PEAK1: variants seen among roughly 807,000 people sequenced by gnomAD.
PEAK1 encodes the protein pseudopodium enriched atypical kinase 1.
In PEAK1, 54 loss-of-function variants were observed where a neutral mutation model predicts 124.7. The observed-to-expected ratio is 0.43, with a 90% CI of 0.35 to 0.54. PEAK1 has a LOEUF of 0.54. Ranked by LOEUF, PEAK1 falls within the 20% of genes least tolerant of loss-of-function variation. The probability of loss-of-function intolerance (pLI) is 0.01; values close to 1 mark genes in which losing one functional copy is unlikely to be tolerated. For missense variants in PEAK1, 2,046 were observed against 2,134.5 expected (o/e 0.96, Z 0.82); for synonymous variants, 719 against 760.0 (o/e 0.95, Z 0.89).
intron 2 of PEAK1, among the ~76,000 whole-genome samples, chr15:77,298,582 C>A (rs1229592557): frequency 6.6e-6 from 1 of 151,960 alleles, no homozygotes; most frequent in African/African-American, 2.4e-5. Context: ...CTTATCTAGC[C>A]TCAAATTGCT....
chr15:77,383,601 C>T (rs925359797), intron 1 of PEAK1, among the ~76,000 whole-genome samples: 2 of 152,228 alleles, frequency 1.3e-5, no homozygotes, highest in Middle Eastern at 3.4e-3. Flanking sequence ...TGAGCAAAAA[C>T]GCTACCCAAG....
chr15:77,382,536 A>G (rs2069571006), intron 1 of PEAK1, among the ~76,000 whole-genome samples: 1 of 151,996 alleles, frequency 6.6e-6, no homozygotes. Context: ...TCTAACCCAC[A>G]CCAAATCTGC....
intron 6 of PEAK1, among the ~76,000 whole-genome samples, chr15:77,193,787 G>C (rs544200218): frequency 6.6e-6 from 1 of 150,784 alleles, no homozygotes; most frequent in Non-Finnish European, 1.5e-5. Context: ...CTGGGTGACA[G>C]AGTGAGACTC....
At chr15:77,107,407 T>C (rs1024138471), downstream of PEAK1, 1 of 152,254 alleles carries the variant, frequency 6.6e-6, no homozygotes, top group Non-Finnish European at 1.5e-5. Context: ...GCCACTCTTC[T>C]GGGGTATGCC....
intron 2 of PEAK1, among the ~76,000 whole-genome samples, chr15:77,356,543 A>T (rs1329253975): frequency 6.6e-6 from 1 of 152,044 alleles, no homozygotes; most frequent in Non-Finnish European, 1.5e-5. Flanking sequence ...GCATACGCAT[A>T]AGAGATTGAC....
chr15:77,264,139 G>A (rs2061591293), intron 5 of PEAK1, among the ~76,000 whole-genome samples: 1 of 152,150 alleles, frequency 6.6e-6, no homozygotes, highest in Non-Finnish European at 1.5e-5. Context: ...CAAACCCACA[G>A]CCAACATCAT....
chr15:77,390,823 G>C (rs951206738), intron 1 of PEAK1, among the ~76,000 whole-genome samples: 5 of 152,148 alleles, frequency 3.3e-5, no homozygotes, highest in Admixed American at 6.5e-5. Context: ...CAACAAGGTG[G>C]TCTGGTTGCA....
intron 9 of PEAK1, among the ~76,000 whole-genome samples, chr15:77,121,828 G>A (rs2051945013): frequency 6.6e-6 from 1 of 152,108 alleles, no homozygotes; most frequent in Non-Finnish European, 1.5e-5. Flanking sequence ...GGATGCTATA[G>A]GGAATGAATT....
At chr15:77,413,337 A>C (rs1274867463) in intron 1 of PEAK1, among the ~76,000 whole-genome samples, 1 of 152,216 alleles carries the variant, frequency 6.6e-6, no homozygotes, top group Non-Finnish European at 1.5e-5. Flanking sequence ...TAGTGCACGG[A>C]CTATGGGAAA....
In PEAK1 at chr15:77,235,301, G is replaced by A. The variant is rs149835514; in HGVS notation, c.-115+17066C>T. Among the ~76,000 whole-genome samples the A allele has an allele frequency of 7.2e-3, 1,102 of 152,092 alleles. 15 individuals are homozygous for A. The highest frequency in any genetic ancestry group is 0.025 in the African/African-American group (1,046 of 41,506). On this transcript the variant is annotated intron_variant, in intron 6 of 9. Coordinates refer to ENST00000682557, the MANE Select transcript of PEAK1 (RefSeq NM_001385026.1). ...GGAACAGTTTGGAGGGCTCAGAAGA[G>A]GACAGGAAGATGTGGGAAAGTTTGG...
At chr15:77,229,213 T>C (rs1424554178) in intron 6 of PEAK1, among the ~76,000 whole-genome samples, 2 of 152,204 alleles carry the variant, frequency 1.3e-5, no homozygotes, top group East Asian at 1.9e-4. Flanking sequence ...TCTACTACAT[T>C]TGAAAAAAAC....
At chr15:77,407,926 TATATAC>T (rs2071985423) in intron 1 of PEAK1, among the ~76,000 whole-genome samples, 4 of 148,312 alleles carry the variant, frequency 2.7e-5, no homozygotes, top group East Asian at 2.0e-4. Context: ...CATATATACA[TATATAC>T]ACACATATAT....
Position 77,308,820 on chromosome 15 carries a change from G to A in PEAK1, c.-602-22316C>T, listed in dbSNP as rs184655750. On this transcript the variant is annotated intron_variant, in intron 2 of 9. Coordinates refer to ENST00000682557, the MANE Select transcript of PEAK1 (RefSeq NM_001385026.1). ...TACCTTTCAACAAATGTTACAATGA[G>A]GGAGAAGAAAAAACAAGCTAAATTA... Among the ~76,000 whole-genome samples, 7 of 152,054 alleles carry A rather than the reference G, an allele frequency of 4.6e-5. No individual in the cohort carries two copies. In the East Asian group the frequency reaches 1.3e-3, roughly 29 times the overall value.
chr15:77,154,515 T>C, intron 8 of PEAK1, among the ~76,000 whole-genome samples: 1 of 152,234 alleles, frequency 6.6e-6, no homozygotes, highest in Non-Finnish European at 1.5e-5. Flanking sequence ...TGTGTGAATT[T>C]GATCCTGTCA....
At chr15:77,202,526 G>A (rs941196889) in intron 6 of PEAK1, among the ~76,000 whole-genome samples, 9 of 152,042 alleles carry the variant, frequency 5.9e-5, no homozygotes, top group African/African-American at 2.2e-4. Context: ...CAGCACTTTG[G>A]GAATCCGAGG....
At chr15:77,325,793 T>C (rs1049065112) in intron 2 of PEAK1, among the ~76,000 whole-genome samples, 5 of 152,340 alleles carry the variant, frequency 3.3e-5, no homozygotes, top group Middle Eastern at 3.4e-3. Flanking sequence ...ACCCACTGCT[T>C]TCTTATGCCT....
intron 2 of PEAK1, chr15:77,346,008 T>A (rs1323069089): frequency 9.4e-5 from 93 of 985,216 alleles, no homozygotes; most frequent in Non-Finnish European, 1.0e-4. Flanking sequence ...CCTGGGGAAA[T>A]GAAATGGAAA....
At chr15:77,410,920 G>C (rs893804298) in intron 1 of PEAK1, among the ~76,000 whole-genome samples, 2 of 152,038 alleles carry the variant, frequency 1.3e-5, no homozygotes, top group Admixed American at 1.3e-4. Flanking sequence ...TTACTAGATA[G>C]GTGCTATTTG....
At position 77,322,254 on chromosome 15, in the gene PEAK1, C is replaced by T. The variant is rs555804555; in HGVS notation, c.-602-35750G>A. On this transcript the variant is annotated intron_variant, in intron 2 of 9. Transcript: ENST00000682557. ...AAGAGCAAACACATTCAAAAGCTAG[C>T]AGAAGGCAAGAAATAACTAAGATCA... is the stretch of plus-strand genomic sequence containing the variant. 2.2e-4 allele frequency among the ~76,000 whole-genome samples: 33 copies of T among 152,188 alleles called. No homozygotes were observed. In the East Asian group the frequency reaches 3.5e-3, roughly 16 times the overall value.
Sources: gnomAD v4.1 joint callset for allele counts (sites outside exome capture counted in the v4.1 genomes callset) on GRCh38, gnomAD v4.1.1 for gene constraint, MANE v1.5 for transcripts, NCBI Gene and HGNC (gene_info 2026-07-23, HGNC 2026-07-21) for gene names.